HPSE2: variants seen among roughly 807,000 people sequenced by gnomAD.
HPSE2 encodes inactive heparanase-2.
Under a neutral mutation model 60.5 loss-of-function variants are expected in HPSE2, and 38 were observed. That is an observed-to-expected ratio of 0.63 (90% CI 0.48 to 0.82). The LOEUF is 0.82. Among genes scored for constraint, HPSE2 ranks in the 40% least tolerant of loss-of-function variants. The pLI is 0.00. For synonymous variants in HPSE2, 295 were observed against 293.2 expected, an observed-to-expected ratio of 1.01 and a Z score of -0.06; for missense variants, 713 against 740.4, an observed-to-expected ratio of 0.96 and a Z score of 0.43.
At chr10:99,306,973 G>T in the HPSE2 span, among the ~76,000 whole-genome samples, 1 of 152,148 alleles carries the variant, frequency 6.6e-6, no homozygotes, top group South Asian at 2.1e-4. Flanking sequence ...GCCTCCCAAA[G>T]TGCTGGGATT....
chr10:98,736,741 C>T (rs944896410), intron 4 of HPSE2, among the ~76,000 whole-genome samples: 2 of 152,040 alleles, frequency 1.3e-5, no homozygotes, highest in African/African-American at 4.8e-5. Flanking sequence ...CTAACTTTAC[C>T]TTTAGATACT....
At chr10:98,881,518 G>A (rs566640897) in intron 3 of HPSE2, among the ~76,000 whole-genome samples, 1 of 152,204 alleles carries the variant, frequency 6.6e-6, no homozygotes, top group Non-Finnish European at 1.5e-5. Context: ...TTGCATATCA[G>A]TGTGGATGAA....
chr10:99,214,306 A>C (rs935935235), intron 2 of HPSE2, among the ~76,000 whole-genome samples: 3 of 152,228 alleles, frequency 2.0e-5, no homozygotes, highest in African/African-American at 7.2e-5. Context: ...TCATTTTCTC[A>C]AAGAGGATAG....
intron 3 of HPSE2, among the ~76,000 whole-genome samples, chr10:98,884,104 C>T (rs1001049096): frequency 5.3e-5 from 8 of 152,122 alleles, no homozygotes; most frequent in Non-Finnish European, 1.2e-4. Context: ...CTAGATAGGT[C>T]AAACCAGCCA....
intron 2 of HPSE2, among the ~76,000 whole-genome samples, chr10:99,144,998 A>G (rs1272198660): frequency 6.6e-6 from 1 of 152,212 alleles, no homozygotes; most frequent in Non-Finnish European, 1.5e-5. Flanking sequence ...TTTCAAACCA[A>G]AAATATTTTT....
intron 9 of HPSE2, among the ~76,000 whole-genome samples, chr10:98,579,144 A>C (rs940960084): frequency 2.0e-5 from 3 of 152,182 alleles, no homozygotes; most frequent in Admixed American, 2.0e-4. Context: ...AATGACTTAA[A>C]AGACCCAGAA....
At chr10:98,788,851 CCCTAGTGAGGTGA>C (rs1950593583) in intron 3 of HPSE2, among the ~76,000 whole-genome samples, 1 of 151,278 alleles carries the variant, frequency 6.6e-6, no homozygotes, top group Admixed American at 6.6e-5. Context: ...GTCTGGCACT[CCCTAGTGAGGTGA>C]ACCCGGTACC....
At chr10:98,580,836 A>ATATATATGTGTGTGTGTGTGTG in intron 9 of HPSE2, among the ~76,000 whole-genome samples, 23 of 119,558 alleles carry the variant, frequency 1.9e-4, no homozygotes, top group African/African-American at 8.2e-4. Flanking sequence ...ATATATATAT[A>ATATATATGTGTGTGTGTGTGTG]TGTGTGTGTG....
chr10:98,472,880 T>A (rs1940837950), intron 11 of HPSE2, among the ~76,000 whole-genome samples: 1 of 152,166 alleles, frequency 6.6e-6, no homozygotes, highest in East Asian at 1.9e-4. Context: ...AATACATAGA[T>A]AGCAATGGAG....
chr10:99,066,511 C>T (rs1274046123), intron 3 of HPSE2, among the ~76,000 whole-genome samples: 2 of 152,114 alleles, frequency 1.3e-5, no homozygotes, highest in African/African-American at 4.8e-5. Context: ...CTGGGGTGGC[C>T]TCACAATCAT....
chr10:99,306,768 G>A, the HPSE2 span, among the ~76,000 whole-genome samples: 1 of 152,156 alleles, frequency 6.6e-6, no homozygotes, highest in Non-Finnish European at 1.5e-5. Context: ...GGAGTACAAT[G>A]GCGCGATCTC....
rs544850995 is a variant in HPSE2 at position 99,077,911 on chromosome 10, G to A, written c.610+66327C>T. ...GGTAGTAGGTGTTTGAGTCATGGAG[G>A]TGGATCCCTCACGAGTGGCTTCATG... On this transcript the variant is annotated intron_variant, in intron 3 of 11. Coordinates refer to ENST00000370552, the MANE Select transcript of HPSE2 (RefSeq NM_021828.5). Among the ~76,000 whole-genome samples the A allele has an allele frequency of 3.3e-5, 5 of 152,240 alleles. No homozygotes were observed. The South Asian group carries it at 6.2e-4, about 19-fold the overall frequency.
intron 9 of HPSE2, among the ~76,000 whole-genome samples, chr10:98,576,725 C>G (rs4919243): frequency 0.29 from 44,503 of 151,632 alleles, 6,713 homozygotes; most frequent in East Asian, 0.48. Context: ...CTCCCCTCCT[C>G]CATCCTGTCC....
chr10:98,713,575 A>C (rs1463740431), intron 5 of HPSE2, among the ~76,000 whole-genome samples: 1 of 151,998 alleles, frequency 6.6e-6, no homozygotes, highest in Non-Finnish European at 1.5e-5. Flanking sequence ...TGCTGTGGTC[A>C]AAAAAATTCA....
chr10:98,666,407 T>G (rs566751795), intron 6 of HPSE2, among the ~76,000 whole-genome samples: 1 of 152,262 alleles, frequency 6.6e-6, no homozygotes, highest in African/African-American at 2.4e-5. Flanking sequence ...AAGTCTAGAC[T>G]TACATGCAAT....
chr10:98,646,544 T>G (rs188144996), intron 6 of HPSE2, among the ~76,000 whole-genome samples: 73 of 152,260 alleles, frequency 4.8e-4, no homozygotes, highest in Non-Finnish European at 6.3e-4. Flanking sequence ...TTGAAACTTT[T>G]GTATTAATAC....
chr10:98,517,199 T>TA (rs141074574), intron 9 of HPSE2, among the ~76,000 whole-genome samples: 42,610 of 113,484 alleles, frequency 0.38, 6,310 homozygotes, highest in East Asian at 0.49. Flanking sequence ...GGGTGTGGGG[T>TA]GGGGGGGGCG....
intron 9 of HPSE2, among the ~76,000 whole-genome samples, chr10:98,517,200 G>C (rs970992635): frequency 2.0e-4 from 15 of 75,308 alleles, no homozygotes; most frequent in African/African-American, 3.6e-4. Context: ...GGTGTGGGGT[G>C]GGGGGGGCGA....
At chr10:99,276,791 T>C in the HPSE2 span, among the ~76,000 whole-genome samples, 1 of 152,162 alleles carries the variant, frequency 6.6e-6, no homozygotes, top group African/African-American at 2.4e-5. Context: ...TCTACAGAAG[T>C]ACCCTAGTAT....
Sources: gnomAD v4.1 joint callset for allele counts (sites outside exome capture counted in the v4.1 genomes callset) on GRCh38, gnomAD v4.1.1 for gene constraint, MANE v1.5 for transcripts, NCBI Gene and HGNC (gene_info 2026-07-23, HGNC 2026-07-21) for gene names.